The following DMD variants were observed in gnomAD, a reference collection of about 807,000 sequenced individuals.
DMD encodes the protein dystrophin, also known as mutant dystrophin.
A neutral mutation model predicts 330.1 loss-of-function variants in DMD; 63 were observed. The ratio of observed to expected loss-of-function variants is 0.19; its 90% CI spans 0.16 to 0.24. The LOEUF is 0.24. Among genes scored for constraint, DMD ranks in the 10% least tolerant of loss-of-function variants. The pLI is 1.00. For synonymous variants in DMD, 1,223 were observed against 959.8 expected (o/e 1.27, Z -5.07); for missense variants, 3,344 against 2,684.1 (o/e 1.25, Z -5.43).
chrX:32,693,115 T>A (rs1479544224), intron 9 of DMD, among the ~76,000 whole-genome samples: 1 of 111,280 alleles, frequency 9.0e-6, no homozygotes, highest in Non-Finnish European at 1.9e-5. Context: ...AAAGACTCAA[T>A]TTGCCCTTGT....
rs762038824 is a variant in DMD at position 31,774,225 on chromosome X, A to C, written c.7310-33T>G. On this transcript the variant is annotated intron_variant, in intron 50 of 78. Transcript: ENST00000357033. ...ATTTTGGGTTTTTGCAAAAAGGAAA[A>C]AAGAAGAAAAAGAAAAATTAGAAAC... 5 of 1,031,673 alleles carry C rather than the reference A, an allele frequency of 4.8e-6. No individual in the cohort carries two copies. The African/African-American group carries it at 9.4e-5, about 19-fold the overall frequency. 85.0% of individuals were successfully genotyped at this position (1,031,673 alleles called of 1,213,427 possible).
intron 7 of DMD, among the ~76,000 whole-genome samples, chrX:32,717,936 C>A (rs748791884): frequency 2.7e-5 from 3 of 111,189 alleles, no homozygotes; most frequent in African/African-American, 6.5e-5. Context: ...TTCTTCTGAT[C>A]GATTTAACTC....
intron 4 of DMD, among the ~76,000 whole-genome samples, chrX:32,841,928 C>T (rs1238716145): frequency 8.9e-6 from 1 of 111,900 alleles, no homozygotes; most frequent in Non-Finnish European, 1.9e-5. Flanking sequence ...ATTTGCAACT[C>T]AAAACAAAGG....
At chrX:33,012,210 G>A (rs969241455) in intron 2 of DMD, among the ~76,000 whole-genome samples, 4 of 111,492 alleles carry the variant, frequency 3.6e-5, no homozygotes, top group African/African-American at 1.3e-4. Flanking sequence ...ACTTTGCAAA[G>A]ATTGTTTCAG....
chrX:31,159,962 G>T (rs60476029), intron 74 of DMD, among the ~76,000 whole-genome samples: 2,085 of 112,316 alleles, frequency 0.019, 59 homozygotes, highest in East Asian at 0.13. Flanking sequence ...ATAAGATAAA[G>T]AGGGAGAAAT....
intron 29 of DMD, among the ~76,000 whole-genome samples, chrX:32,422,956 G>A (rs1184921617): frequency 9.0e-6 from 1 of 110,993 alleles, no homozygotes; most frequent in African/African-American, 3.3e-5. Flanking sequence ...AGTATTGTGT[G>A]TTATAGAAAT....
rs2148423031 is a variant in DMD, at chrX:31,627,810, A to G, written c.8080T>C (p.Phe2694Leu). ...LEETHRLLQQFPLDLEKFLAW... is the reference protein window; with the variant it reads ...LEETHRLLQQLPLDLEKFLAW... ...AGAAACTTTTCCAGGTCCAGGGGGAACTGTTGCAGTAATCTATGAGTTTCT... is the reference window on the plus strand; with the variant it reads ...AGAAACTTTTCCAGGTCCAGGGGGAGCTGTTGCAGTAATCTATGAGTTTCT... Residue 2694 changes from phenylalanine (F) to leucine (L), a missense_variant, in exon 55 of 79, where the codon TTC becomes CTC. Physicochemically the swap from Phe to Leu is conservative, Grantham distance 22. Coordinates refer to ENST00000357033, the MANE Select transcript of DMD (RefSeq NM_004006.3). The G allele has an allele frequency of 1.5e-5, 18 of 1,210,750 alleles. No homozygotes were observed. Among genetic ancestry groups the G allele is most frequent in the Non-Finnish European group, 1.9e-5 (17 of 895,073 alleles).
intron 55 of DMD, among the ~76,000 whole-genome samples, chrX:31,573,612 C>G (rs1301560863): frequency 8.9e-6 from 1 of 111,999 alleles, no homozygotes; most frequent in Non-Finnish European, 1.9e-5. Flanking sequence ...AGAAAAACAT[C>G]TACTTCTTCT....
At chrX:33,173,763 T>C (rs1447324392) in intron 1 of DMD, among the ~76,000 whole-genome samples, 1 of 110,813 alleles carries the variant, frequency 9.0e-6, no homozygotes, top group Non-Finnish European at 1.9e-5. Context: ...AGATTTATGA[T>C]AGTCTATTTA....
chrX:32,992,626 G>C lies in DMD; in HGVS notation c.93+27513C>G, dbSNP rs1394801747. The stretch of plus-strand genomic sequence containing the variant: ...ATTTATTTTAATTTTCTTTCTTTAA[G>C]AACAGACTGTTGGCCAGGTGGGGTA... On this transcript the variant is annotated intron_variant, in intron 2 of 78. Transcript: ENST00000357033. Among the ~76,000 whole-genome samples the C allele has an allele frequency of 1.9e-4, 21 of 111,031 alleles. 1 individual carries two copies. In the Admixed American group the frequency reaches 2.0e-3, roughly 11 times the overall value.
At chrX:32,229,891 G>A (rs759518470) in intron 43 of DMD, among the ~76,000 whole-genome samples, 3 of 106,119 alleles carry the variant, frequency 2.8e-5, no homozygotes, top group Non-Finnish European at 5.8e-5. Context: ...TTAAGTGTCC[G>A]AAACAGCATT....
At chrX:31,122,781 C>T (rs1442934835) in intron 78 of DMD, among the ~76,000 whole-genome samples, 1 of 111,635 alleles carries the variant, frequency 9.0e-6, no homozygotes, top group Non-Finnish European at 1.9e-5. Flanking sequence ...TAATGCAGCA[C>T]GACCTAGCAC....
At position 33,062,314 on chromosome X, in the gene DMD, T is replaced by A. The variant is rs1385704720; in HGVS notation, c.32-42114A>T. ...ACAACAGAAGGAATTGAATTGATAT[T>A]GAATAATCTGAATTCTTGATCCAAC... On this transcript the variant is annotated intron_variant, in intron 1 of 78. Transcript: ENST00000357033. 3.6e-5 allele frequency among the ~76,000 whole-genome samples: 4 copies of A among 111,846 alleles called. No individual in the cohort carries two copies. In the Admixed American group the frequency reaches 3.8e-4, roughly 11 times the overall value.
chrX:32,324,880 C>T (rs965977751), intron 41 of DMD, among the ~76,000 whole-genome samples: 1 of 111,466 alleles, frequency 9.0e-6, no homozygotes, highest in Non-Finnish European at 1.9e-5. Context: ...AGAGAGGAAA[C>T]TTTTAAAAGC....
At chrX:31,424,923 T>TA (rs2063616101) in intron 60 of DMD, among the ~76,000 whole-genome samples, 1 of 112,087 alleles carries the variant, frequency 8.9e-6, no homozygotes, top group African/African-American at 3.2e-5. Flanking sequence ...ATATGGGGTG[T>TA]AGCTGAGTTG....
At chrX:32,513,303 C>T (rs1400717911) in intron 18 of DMD, among the ~76,000 whole-genome samples, 1 of 112,235 alleles carries the variant, frequency 8.9e-6, no homozygotes, top group Non-Finnish European at 1.9e-5. Flanking sequence ...ATTATAAACA[C>T]AGACATAACA....
rs527320092 is a variant in DMD, at chrX:33,031,590, G to A, written c.32-11390C>T. On this transcript the variant is annotated intron_variant, in intron 1 of 78. Transcript: ENST00000357033. ...GTTCGAGACCAGCCTGATCAACGCA[G>A]TGAAGCCCCGTCTCTACTAAAAATA... Among the ~76,000 whole-genome samples the A allele has an allele frequency of 1.3e-4, 14 of 110,994 alleles. No homozygotes were observed. In the South Asian group the frequency reaches 5.4e-3, roughly 43 times the overall value.
Position 31,818,878 on chromosome X carries a change from A to C in DMD, c.7309+1097T>G, listed in dbSNP as rs376200464. ...GCTTCTTTTAATCCAAGCACTATTT[A>C]TGCCTTCTAATGAATTATGATTGTG... On this transcript the variant is annotated intron_variant, in intron 50 of 78. Coordinates refer to ENST00000357033, the MANE Select transcript of DMD (RefSeq NM_004006.3). Among the ~76,000 whole-genome samples, 3 of 111,222 alleles carry C rather than the reference A, an allele frequency of 2.7e-5. No individual in the cohort carries two copies. In the East Asian group the frequency reaches 8.5e-4, roughly 31 times the overall value.
At chrX:33,271,752 C>T (rs373095082) in intron 1 of DMD, among the ~76,000 whole-genome samples, 4 of 89,789 alleles carry the variant, frequency 4.5e-5, no homozygotes, top group Non-Finnish European at 8.5e-5. Context: ...GGCGACAAAG[C>T]GAGACTCTGT....
Sources: allele counts gnomAD v4.1 joint callset (sites outside exome capture counted in the v4.1 genomes callset), GRCh38; gene constraint gnomAD v4.1.1; transcripts MANE v1.5; gene names NCBI Gene and HGNC (gene_info 2026-07-23, HGNC 2026-07-21).